MTMR7: variants seen among roughly 807,000 people sequenced by gnomAD.
The protein encoded by MTMR7 is myotubularin related protein 7, also known as phosphatidylinositol-3-phosphate phosphatase MTMR7.
MTMR7 carries 76 observed loss-of-function variants against 81.2 expected under a neutral mutation model. The ratio of observed to expected loss-of-function variants is 0.94; its 90% CI spans 0.78 to 1.13. The LOEUF is 1.13. Ranked by LOEUF, MTMR7 falls within the 50% of genes most tolerant of loss-of-function variation. The probability of loss-of-function intolerance (pLI) is 0.00; values close to 1 mark genes in which losing one functional copy is unlikely to be tolerated. For synonymous variants in MTMR7, 372 were observed against 289.8 expected, an observed-to-expected ratio of 1.28 and a Z score of -2.88; for missense variants, 1,044 against 820.0, an observed-to-expected ratio of 1.27 and a Z score of -3.34.
intron 7 of MTMR7, among the ~76,000 whole-genome samples, chr8:17,315,035 C>A (rs113587539): frequency 7.1e-5 from 9 of 127,276 alleles, no homozygotes; most frequent in Admixed American, 7.0e-4. Context: ...AGCCCTGTGG[C>A]CCTTGGGTAG....
At chr8:17,310,489 A>G (rs975823599) in intron 9 of MTMR7, among the ~76,000 whole-genome samples, 13 of 152,088 alleles carry the variant, frequency 8.5e-5, no homozygotes, top group Non-Finnish European at 1.5e-4. Flanking sequence ...GATGATGGAA[A>G]CGCATGTGTG....
intron 1 of MTMR7, among the ~76,000 whole-genome samples, chr8:17,411,596 C>G (rs964408659): frequency 6.6e-5 from 10 of 152,216 alleles, no homozygotes; most frequent in African/African-American, 2.2e-4. Flanking sequence ...GTTAATGACT[C>G]ACCCAATTCA....
intron 1 of MTMR7, among the ~76,000 whole-genome samples, chr8:17,405,097 C>T (rs1483115205): frequency 6.6e-6 from 1 of 152,264 alleles, no homozygotes; most frequent in Non-Finnish European, 1.5e-5. Context: ...AACGATCCGT[C>T]CGCCTTGGCC....
At chr8:17,395,500 T>C (rs1821220730) in intron 1 of MTMR7, among the ~76,000 whole-genome samples, 1 of 152,174 alleles carries the variant, frequency 6.6e-6, no homozygotes, top group African/African-American at 2.4e-5. Context: ...ACCAAAGGGT[T>C]TTCCACAGCA....
At chr8:17,319,678 T>G (rs1005504512) in intron 7 of MTMR7, among the ~76,000 whole-genome samples, 11 of 152,194 alleles carry the variant, frequency 7.2e-5, no homozygotes, top group African/African-American at 2.2e-4. Flanking sequence ...TTATTCTCAT[T>G]CTTGATTGTG....
At chr8:17,308,140 T>C (rs908269751) in intron 10 of MTMR7, among the ~76,000 whole-genome samples, 2 of 152,136 alleles carry the variant, frequency 1.3e-5, no homozygotes, top group East Asian at 3.8e-4. Flanking sequence ...CTTTTATGGC[T>C]TCAGAATTAT....
intron 5 of MTMR7, among the ~76,000 whole-genome samples, chr8:17,343,566 G>T (rs1222805673): frequency 1.3e-5 from 2 of 152,200 alleles, no homozygotes; most frequent in Non-Finnish European, 2.9e-5. Context: ...CTAAAGCAGT[G>T]AGACACCAAC....
intron 11 of MTMR7, 61 bp from the exon 12 acceptor site, chr8:17,304,580 G>A: frequency 2.0e-6 from 3 of 1,530,538 alleles, no homozygotes; most frequent in Admixed American, 3.5e-5. Context: ...CAGTAGATAT[G>A]TTATATTAAT....
intron 3 of MTMR7, among the ~76,000 whole-genome samples, chr8:17,363,302 G>C (rs1335391836): frequency 2.6e-5 from 4 of 152,170 alleles, no homozygotes; most frequent in African/African-American, 9.7e-5. Flanking sequence ...GGATGCCAAA[G>C]GAATCTCTTG....
At position 17,405,996 on chromosome 8, in the gene MTMR7, G is replaced by A. The variant is rs145493639; in HGVS notation, c.24+7273C>T. On this transcript the variant is annotated intron_variant, in intron 1 of 13. Coordinates refer to ENST00000180173, the MANE Select transcript of MTMR7 (RefSeq NM_004686.5). ...TTTATGCAAATATTTCTGGATTTAT[G>A]CAAATATCTGAAATTATGCAAAATT... 1.3e-4 allele frequency among the ~76,000 whole-genome samples: 19 copies of A among 149,938 alleles called. No individual in the cohort carries two copies. The East Asian group carries it at 3.7e-3, about 29-fold the overall frequency.
chr8:17,348,755 G>T (rs1319301083), intron 5 of MTMR7, among the ~76,000 whole-genome samples, 198 bp downstream of exon 5: 1 of 151,940 alleles, frequency 6.6e-6, no homozygotes. Context: ...TTACATTACT[G>T]TCAAATAAAC....
chr8:17,316,650 AAAAAAT>A (rs1818091448), intron 7 of MTMR7, among the ~76,000 whole-genome samples: 2 of 152,206 alleles, frequency 1.3e-5, no homozygotes, highest in South Asian at 2.1e-4. Flanking sequence ...AAATATTTGA[AAAAAAT>A]AAAAATAACA....
chr8:17,405,884 G>A (rs1028677574), intron 1 of MTMR7, among the ~76,000 whole-genome samples: 7 of 148,126 alleles, frequency 4.7e-5, no homozygotes, highest in Admixed American at 2.0e-4. Context: ...ACACACCACA[G>A]AGAAAATGGA....
chr8:17,363,493 G>A (rs926908983), intron 3 of MTMR7, among the ~76,000 whole-genome samples: 1 of 152,178 alleles, frequency 6.6e-6, no homozygotes, highest in African/African-American at 2.4e-5. Context: ...AAGAGGCAAC[G>A]AAATTATCCA....
chr8:17,332,841 C>A (rs763340985), intron 6 of MTMR7, among the ~76,000 whole-genome samples: 1 of 151,946 alleles, frequency 6.6e-6, no homozygotes, highest in East Asian at 1.9e-4. Context: ...TAAGTTTTTG[C>A]GTGTTTATCA....
At chr8:17,359,404 C>T (rs1330042256) in intron 4 of MTMR7, among the ~76,000 whole-genome samples, 4 of 151,728 alleles carry the variant, frequency 2.6e-5, no homozygotes, top group African/African-American at 9.7e-5. Context: ...TCGAGACCAG[C>T]CTGAGCAACA....
chr8:17,307,039 G>T (rs1385820162), intron 10 of MTMR7, among the ~76,000 whole-genome samples: 2 of 152,154 alleles, frequency 1.3e-5, no homozygotes, highest in Non-Finnish European at 2.9e-5. Flanking sequence ...ATTGACAGAT[G>T]GGATCTAATT....
chr8:17,374,748 G>C (rs1194461890), intron 1 of MTMR7, among the ~76,000 whole-genome samples: 1 of 152,154 alleles, frequency 6.6e-6, no homozygotes, highest in Non-Finnish European at 1.5e-5. Context: ...TGGAGGCAGA[G>C]GTTGCAGTGA....
chr8:17,338,070 T>C (rs939782486), intron 6 of MTMR7, among the ~76,000 whole-genome samples: 9 of 152,292 alleles, frequency 5.9e-5, no homozygotes, highest in Non-Finnish European at 1.0e-4. Flanking sequence ...TAACACACTC[T>C]GGAACAAAAA....
Sources: gnomAD v4.1 joint callset for allele counts (sites outside exome capture counted in the v4.1 genomes callset) on GRCh38, gnomAD v4.1.1 for gene constraint, MANE v1.5 for transcripts, NCBI Gene and HGNC (gene_info 2026-07-23, HGNC 2026-07-21) for gene names.